The following TAF8 variants were observed in gnomAD, a reference collection of about 807,000 sequenced individuals.
TAF8 encodes transcription initiation factor TFIID subunit 8.
TAF8 carries 47 observed loss-of-function variants against 36.5 expected under a neutral mutation model. That is an observed-to-expected ratio of 1.29 (90% CI 1.02 to 1.64). TAF8 has a LOEUF of 1.64. Among genes scored for constraint, TAF8 ranks in the 40% most tolerant of loss-of-function variants. The pLI, the probability that TAF8 is intolerant of heterozygous loss-of-function variation, is 0.00. For synonymous variants in TAF8, 175 were observed against 159.5 expected (o/e 1.10, Z -0.73); for missense variants, 420 against 407.6 (o/e 1.03, Z -0.26).
downstream of TAF8, among the ~76,000 whole-genome samples, chr6:42,083,908 A>T (rs981779308): frequency 2.6e-5 from 4 of 152,072 alleles, no homozygotes; most frequent in Non-Finnish European, 5.9e-5. Flanking sequence ...CCTGCTGGGC[A>T]CGGTGGCTCA....
chr6:42,057,819 A>G, intron 5 of TAF8: 2 of 378,636 alleles, frequency 5.3e-6, no homozygotes, highest in Non-Finnish European at 9.4e-6. Flanking sequence ...TTGAGAAACA[A>G]TTTGGCAAAT....
rs1765902768 is a variant in TAF8, at chr6:42,080,903, A to G, written c.*3358A>G. 1.0e-6 allele frequency: 1 copy of G among 983,062 alleles called. No homozygotes were observed. Among genetic ancestry groups the G allele is most frequent in the African/African-American group, 1.7e-5 (1 of 57,298 alleles). 60.9% of individuals were successfully genotyped at this position (983,062 alleles called of 1,614,324 possible). ...ATTCATAATAAAAACTTTGTAAATAAATAGAACTGTAAGCTTTGAACTTAA... is the reference window on the plus strand; with the variant it reads ...ATTCATAATAAAAACTTTGTAAATAGATAGAACTGTAAGCTTTGAACTTAA... On this transcript the variant is annotated 3_prime_UTR_variant, in exon 9 of 9. Coordinates refer to ENST00000372977, the MANE Select transcript of TAF8 (RefSeq NM_138572.3).
downstream of TAF8, among the ~76,000 whole-genome samples, chr6:42,085,175 C>G (rs796211528): frequency 1.3e-5 from 2 of 152,306 alleles, no homozygotes; most frequent in African/African-American, 4.8e-5. Flanking sequence ...GCTTCTTTCC[C>G]CACTTACTAT....
At chr6:42,071,898 T>C (rs2127461724) in intron 7 of TAF8, among the ~76,000 whole-genome samples, 1 of 152,280 alleles carries the variant, frequency 6.6e-6, no homozygotes, top group East Asian at 1.9e-4. Context: ...GAGGTCATGG[T>C]GGTAATTGAA....
Position 42,079,051 on chromosome 6 carries a change from G to C in TAF8, c.*1506G>C. 3.1e-6 allele frequency: 2 copies of C among 637,282 alleles called. No homozygotes were observed. The highest frequency in any genetic ancestry group is 3.9e-6 in the Non-Finnish European group (2 of 512,122). The allele number at this position is 637,282 out of a possible 1,614,324, so 39.5% of individuals were successfully genotyped here. A position where few individuals can be genotyped will look rare whatever the true frequency, so the allele number is the denominator to read the frequency against. On this transcript the variant is annotated 3_prime_UTR_variant, in exon 9 of 9. Coordinates refer to ENST00000372977, the MANE Select transcript of TAF8 (RefSeq NM_138572.3). ...GCAGGAGAATCACTTGAACCTGGGAGGCGGAGGTTGCAGTGAGCCGAGATC... is the reference window on the plus strand; with the variant it reads ...GCAGGAGAATCACTTGAACCTGGGACGCGGAGGTTGCAGTGAGCCGAGATC...
chr6:42,077,039 T>C, intron 7 of TAF8, 61 bp from the exon 8 acceptor site: 1 of 1,539,056 alleles, frequency 6.5e-7, no homozygotes, highest in Non-Finnish European at 8.8e-7. Context: ...ATTCCAATTA[T>C]AGGCATGATC....
chr6:42,064,830 G>A lies in TAF8; in HGVS notation c.490-1482G>A, dbSNP rs575265764. Among the ~76,000 whole-genome samples the A allele has an allele frequency of 2.1e-4, 31 of 151,074 alleles. No homozygotes were observed. The East Asian group carries it at 5.1e-3, about 25-fold the overall frequency. Reference sequence around the variant, plus strand: ...AAATTAGCCAGGAGTGGTGGCAGGCGTCTGTAGTCCCAGCTACTCGGGAGG... The same window carrying A: ...AAATTAGCCAGGAGTGGTGGCAGGCATCTGTAGTCCCAGCTACTCGGGAGG... On this transcript the variant is annotated intron_variant, in intron 5 of 8. Coordinates refer to ENST00000372977, the MANE Select transcript of TAF8 (RefSeq NM_138572.3).
rs146637573 is a variant in TAF8, at chr6:42,081,270, G to A, written c.*3725G>A. 0.022 allele frequency: 3,406 copies of A among 152,170 alleles called. 121 individuals carry two copies. Among genetic ancestry groups the A allele is most frequent in the African/African-American group, 0.076 (3,149 of 41,474 alleles). 9.4% of individuals were successfully genotyped at this position (152,170 alleles called of 1,614,324 possible). ...TGGCCCACTGCAACTTCTGCCTCCC[G>A]GGTTCAAATGATTCTACTGCCTCAG... On this transcript the variant is annotated 3_prime_UTR_variant, in exon 9 of 9. Transcript: ENST00000372977.
rs2127459499 is a variant in TAF8 at position 42,068,544 on chromosome 6, GAC to G, written c.719_720del (p.Thr240ArgfsTer7). 6.2e-7 allele frequency: 1 copy of G among 1,614,066 alleles called. No homozygotes were observed. The highest frequency in any genetic ancestry group is 8.5e-7 in the Non-Finnish European group (1 of 1,180,022). ...SELEMQQMEE[T>X]DSSEQDEQTD... is the part of the protein sequence containing the mutation. ...AACTGGAGATGCAACAAATGGAAGA[GAC>G]AGATTCCTCGGAGCAGGATGAACAG... On this transcript the variant is annotated frameshift_variant, in exon 7 of 9. Coordinates refer to ENST00000372977, the MANE Select transcript of TAF8 (RefSeq NM_138572.3). LOFTEE classifies it high-confidence loss of function.
chr6:42,069,429 C>G (rs12194513), intron 7 of TAF8, among the ~76,000 whole-genome samples: 10 of 151,992 alleles, frequency 6.6e-5, no homozygotes, highest in Non-Finnish European at 1.2e-4. Context: ...TCACCTAGAT[C>G]ATTTGGTCAG....
intron 7 of TAF8, among the ~76,000 whole-genome samples, chr6:42,070,983 C>G (rs2493835): frequency 0.099 from 15,062 of 152,162 alleles, 853 homozygotes; most frequent in East Asian, 0.18. Context: ...ACTTTCTTTT[C>G]TGCTCACCGG....
Position 42,079,994 on chromosome 6 carries a change from G to GC in TAF8, c.*2449_*2450insC, listed in dbSNP as rs1765873209. On this transcript the variant is annotated 3_prime_UTR_variant, in exon 9 of 9. Transcript: ENST00000372977. ...GTCAGGAACGGAAGAGGGGACGCTAGTAAAAAAAAAAAAATTGGATTCCCC... is the reference window on the plus strand; with the variant it reads ...GTCAGGAACGGAAGAGGGGACGCTAGCTAAAAAAAAAAAAATTGGATTCCCC... 1 of 859,334 alleles carries GC rather than the reference G, an allele frequency of 1.2e-6. No individual in the cohort carries two copies. Among genetic ancestry groups the GC allele is most frequent in the Admixed American group, 1.1e-4 (1 of 8,794 alleles). 53.2% of individuals were successfully genotyped at this position (859,334 alleles called of 1,614,324 possible). A position where few individuals can be genotyped will look rare whatever the true frequency, so the allele number is the denominator to read the frequency against.
Position 42,057,533 on chromosome 6 carries a change from G to T in TAF8, c.489+20G>T, listed in dbSNP as rs1765043320. On this transcript the variant is annotated intron_variant, in intron 5 of 8. Transcript: ENST00000372977. ...ACTCCGGTGAGTGATGAAGCACTGG[G>T]ACTGCGCGTGGTGTAAAGCACGGAG... 6.2e-7 allele frequency: 1 copy of T among 1,613,766 alleles called. No homozygotes were observed. Among genetic ancestry groups the T allele is most frequent in the African/African-American group, 1.3e-5 (1 of 74,904 alleles).
At chr6:42,075,381 C>T (rs922800303) in intron 7 of TAF8, among the ~76,000 whole-genome samples, 2 of 152,152 alleles carry the variant, frequency 1.3e-5, no homozygotes, top group African/African-American at 4.8e-5. Flanking sequence ...CACACAGGCC[C>T]TGATACTGGG....
At chr6:42,085,120 T>G (rs1007558978), downstream of TAF8, among the ~76,000 whole-genome samples, 11 of 152,246 alleles carry the variant, frequency 7.2e-5, no homozygotes, top group African/African-American at 2.7e-4. Flanking sequence ...TTTTCCCTTT[T>G]TTTATACATG....
chr6:42,067,961 G>T (rs1225313442), intron 6 of TAF8, among the ~76,000 whole-genome samples: 1 of 152,162 alleles, frequency 6.6e-6, no homozygotes, highest in East Asian at 1.9e-4. Flanking sequence ...GTGTCTTACA[G>T]CTCAGTGGAC....
At chr6:42,067,614 G>A (rs1314143594) in intron 6 of TAF8, among the ~76,000 whole-genome samples, 1 of 152,124 alleles carries the variant, frequency 6.6e-6, no homozygotes, top group Admixed American at 6.5e-5. Flanking sequence ...TTGTCGCCCA[G>A]TCTTGAGTAC....
At chr6:42,053,049 A>C (rs1000519934) in intron 2 of TAF8, among the ~76,000 whole-genome samples, 6 of 152,158 alleles carry the variant, frequency 3.9e-5, no homozygotes, top group Non-Finnish European at 8.8e-5. Context: ...GATCTCAATC[A>C]TTGTGGCTTC....
At chr6:42,065,802 A>G (rs1470908778) in intron 5 of TAF8, among the ~76,000 whole-genome samples, 1 of 152,262 alleles carries the variant, frequency 6.6e-6, no homozygotes, top group Non-Finnish European at 1.5e-5. Context: ...TTAATTAGAA[A>G]TGAATATTAA....
Sources: gnomAD v4.1 joint callset for allele counts (sites outside exome capture counted in the v4.1 genomes callset) on GRCh38, gnomAD v4.1.1 for gene constraint, MANE v1.5 for transcripts, NCBI Gene and HGNC (gene_info 2026-07-23, HGNC 2026-07-21) for gene names.